Variants in MEIS2 observed in about 807,000 individuals in gnomAD.
MEIS2 encodes Meis homeobox 2, also known as homeobox protein Meis2.
MEIS2 carries 9 observed loss-of-function variants against 58.6 expected under a neutral mutation model. That is an observed-to-expected ratio of 0.15 (90% confidence interval 0.09 to 0.27). The LOEUF (loss-of-function observed/expected upper bound fraction) is 0.27. MEIS2 is among the 10% of genes least tolerant of loss of function. The pLI is 1.00. For synonymous variants in MEIS2, 221 were observed against 228.4 expected (o/e 0.97, Z 0.29); for missense variants, 427 against 635.0 (o/e 0.67, Z 3.52).
intron 9 of MEIS2, among the ~76,000 whole-genome samples, chr15:36,940,778 T>C (rs917258851): frequency 6.6e-6 from 1 of 152,148 alleles, no homozygotes. Flanking sequence ...ACAAAGTGCA[T>C]TGGGGTGCTC....
intron 7 of MEIS2, among the ~76,000 whole-genome samples, chr15:37,060,351 G>A (rs1889042092): frequency 6.6e-6 from 1 of 152,092 alleles, no homozygotes; most frequent in Non-Finnish European, 1.5e-5. Context: ...AGTTTTGTTT[G>A]GTGTAATCTA....
Position 36,971,190 on chromosome 15 carries a change from C to T in MEIS2, c.901-20790G>A, listed in dbSNP as rs553978866. On this transcript the variant is annotated intron_variant, in intron 8 of 11. Coordinates refer to ENST00000561208, the MANE Select transcript of MEIS2 (RefSeq NM_170675.5). The stretch of plus-strand genomic sequence containing the variant: ...AATCAGAACATAAAAACCTGTTTGG[C>T]CATATTTCATCTCCTTATAGCATAT... Among the ~76,000 whole-genome samples, 3 of 152,060 alleles carry T rather than the reference C, an allele frequency of 2.0e-5. No individual in the cohort carries two copies. In the East Asian group the frequency reaches 5.8e-4, roughly 29 times the overall value.
chr15:37,033,774 C>T (rs1050126531), intron 8 of MEIS2, among the ~76,000 whole-genome samples: 1 of 152,096 alleles, frequency 6.6e-6, no homozygotes, highest in African/African-American at 2.4e-5. Context: ...ATTAACATGT[C>T]GCTAGTTAGG....
chr15:37,024,028 GC>G (rs1300323792), intron 8 of MEIS2, among the ~76,000 whole-genome samples: 1 of 149,800 alleles, frequency 6.7e-6, no homozygotes, highest in African/African-American at 2.5e-5. Flanking sequence ...TCCGGCCTCA[GC>G]CTCCCGATTA....
chr15:37,065,501 A>G (rs185895040), intron 7 of MEIS2, among the ~76,000 whole-genome samples: 37 of 152,296 alleles, frequency 2.4e-4, no homozygotes, highest in Admixed American at 2.0e-3. Flanking sequence ...GTGACTGACA[A>G]CTGTGGTTTG....
intron 9 of MEIS2, among the ~76,000 whole-genome samples, chr15:36,930,772 A>T (rs1019295229): frequency 9.2e-5 from 14 of 152,370 alleles, no homozygotes; most frequent in African/African-American, 3.1e-4. Context: ...TATGCTCATC[A>T]TATATACGCA....
At chr15:36,987,779 A>G (rs533944909) in intron 8 of MEIS2, among the ~76,000 whole-genome samples, 27 of 132,078 alleles carry the variant, frequency 2.0e-4, no homozygotes, top group African/African-American at 6.4e-4. Flanking sequence ...CTCAGCTATG[A>G]CCAGTTTTTT....
chr15:37,098,424 GAA>G, intron 1 of MEIS2: 15 of 1,105,268 alleles, frequency 1.4e-5, no homozygotes, highest in Non-Finnish European at 1.6e-5. Flanking sequence ...GAGAGAGAGA[GAA>G]AATAAAAATA....
chr15:36,920,405 C>T (rs1213476161), intron 9 of MEIS2, among the ~76,000 whole-genome samples: 11 of 152,198 alleles, frequency 7.2e-5, no homozygotes, highest in Admixed American at 7.2e-4. Flanking sequence ...CCTCGGCCTC[C>T]CAAAGTGCTG....
intron 8 of MEIS2, among the ~76,000 whole-genome samples, chr15:37,028,831 T>C (rs1304520327): frequency 1.3e-5 from 2 of 152,138 alleles, no homozygotes; most frequent in Admixed American, 6.6e-5. Context: ...AATAAGGACA[T>C]GACGGATGTG....
chr15:36,964,808 C>G (rs918448758), intron 8 of MEIS2, among the ~76,000 whole-genome samples: 1 of 152,142 alleles, frequency 6.6e-6, no homozygotes, highest in African/African-American at 2.4e-5. Flanking sequence ...ATGGTGTCAT[C>G]AGGTCACACT....
intron 9 of MEIS2, among the ~76,000 whole-genome samples, chr15:36,939,551 T>A (rs1337107068): frequency 6.6e-6 from 1 of 152,160 alleles, no homozygotes; most frequent in Non-Finnish European, 1.5e-5. Flanking sequence ...TCCTTATTTT[T>A]TTTTTTTAAT....
intron 8 of MEIS2, among the ~76,000 whole-genome samples, chr15:37,007,035 T>C (rs1311512672): frequency 6.6e-6 from 1 of 152,252 alleles, no homozygotes; most frequent in Non-Finnish European, 1.5e-5. Flanking sequence ...CTGGGCATTA[T>C]GTACTTGCTT....
At chr15:37,088,487 C>T (rs555947996) in intron 6 of MEIS2, among the ~76,000 whole-genome samples, 2 of 152,140 alleles carry the variant, frequency 1.3e-5, no homozygotes, top group African/African-American at 4.8e-5. Flanking sequence ...AACAAGGACT[C>T]CTATCTTGGG....
intron 8 of MEIS2, among the ~76,000 whole-genome samples, chr15:37,002,114 T>C (rs2060749509): frequency 6.6e-6 from 1 of 152,232 alleles, no homozygotes; most frequent in Non-Finnish European, 1.5e-5. Context: ...CCTTAACCAA[T>C]GTGGTCTCTA....
intron 9 of MEIS2, among the ~76,000 whole-genome samples, chr15:36,949,556 C>G (rs766059989): frequency 2.6e-5 from 4 of 151,918 alleles, no homozygotes; most frequent in Non-Finnish European, 5.9e-5. Flanking sequence ...GCCTGAAATC[C>G]GTGCAAATAC....
At position 36,892,536 on chromosome 15, in the gene MEIS2, A is replaced by G. The variant is rs538653173; in HGVS notation, c.1148-77T>C. Reference sequence around the variant, plus strand: ...TACTTTACCCATCAAAGATGAAAAGAAAAAAAAAAAAAAAACAACAGACAC... The same window carrying G: ...TACTTTACCCATCAAAGATGAAAAGGAAAAAAAAAAAAAAACAACAGACAC... On this transcript the variant is annotated intron_variant, in intron 11 of 11. Transcript: ENST00000561208. The G allele has an allele frequency of 1.0e-3, 669 of 638,726 alleles. 2 individuals are homozygous for G. In the African/African-American group the frequency reaches 0.013, roughly 12 times the overall value. 39.6% of individuals were successfully genotyped at this position (638,726 alleles called of 1,614,324 possible).
chr15:37,037,794 C>T (rs910718667), intron 7 of MEIS2, among the ~76,000 whole-genome samples: 3 of 152,190 alleles, frequency 2.0e-5, no homozygotes, highest in Non-Finnish European at 4.4e-5. Context: ...AAAATTCATA[C>T]GAGCACGTCT....
chr15:36,930,481 A>G (rs1423794743), intron 9 of MEIS2, among the ~76,000 whole-genome samples: 2 of 152,188 alleles, frequency 1.3e-5, no homozygotes, highest in African/African-American at 2.4e-5. Context: ...GACAAGGTGC[A>G]AACATATAGG....
Sources: gnomAD v4.1 joint callset for allele counts (sites outside exome capture counted in the v4.1 genomes callset) on GRCh38, gnomAD v4.1.1 for gene constraint, MANE v1.5 for transcripts, NCBI Gene and HGNC (gene_info 2026-07-23, HGNC 2026-07-21) for gene names.